The following PIK3C2B variants were observed in gnomAD, a reference collection of about 807,000 sequenced individuals.
The protein encoded by PIK3C2B is phosphatidylinositol-4-phosphate 3-kinase catalytic subunit type 2 beta.
Under a neutral mutation model 184.3 loss-of-function variants are expected in PIK3C2B, and 83 were observed. The ratio of observed to expected loss-of-function variants is 0.45; its 90% confidence interval spans 0.38 to 0.54. The LOEUF (loss-of-function observed/expected upper bound fraction) is 0.54. Among genes scored for constraint, PIK3C2B ranks in the 20% least tolerant of loss-of-function variants. The pLI is 0.00. For synonymous variants in PIK3C2B, 779 were observed against 837.6 expected (o/e 0.93, Z 1.21); for missense variants, 1,736 against 2,113.5 (o/e 0.82, Z 3.50).
At chr1:204,450,215 A>G (rs1454839640) in intron 12 of PIK3C2B, 198 bp from the exon 13 acceptor site, 7 of 549,838 alleles carry the variant, frequency 1.3e-5, no homozygotes, top group Non-Finnish European at 2.3e-5. Context: ...GGATGTTCCC[A>G]GAAGCACAAT....
At chr1:204,452,651 C>CT (rs371699160) in intron 12 of PIK3C2B, among the ~76,000 whole-genome samples, 61,230 of 92,322 alleles carry the variant, frequency 0.66, 22,354 homozygotes, top group Non-Finnish European at 0.8. Context: ...ACCCCATGTC[C>CT]TTTTTTTTTT....
chr1:204,486,625 G>T (rs1175306666), intron 1 of PIK3C2B, among the ~76,000 whole-genome samples: 1 of 152,064 alleles, frequency 6.6e-6, no homozygotes, highest in Non-Finnish European at 1.5e-5. Context: ...AGCTACTTGG[G>T]AGGCAGAGGT....
At chr1:204,472,785 A>C (rs754233414) in intron 1 of PIK3C2B, among the ~76,000 whole-genome samples, 12 of 152,134 alleles carry the variant, frequency 7.9e-5, no homozygotes, top group Non-Finnish European at 1.8e-4. Flanking sequence ...TGTCTAAAAA[A>C]AACAAAGTAC....
intron 10 of PIK3C2B, 151 bp downstream of exon 10, chr1:204,456,886 A>ACACACC: frequency 4.1e-6 from 2 of 489,958 alleles, no homozygotes; most frequent in South Asian, 2.5e-5. Flanking sequence ...ACACACACAC[A>ACACACC]CACACACACA....
At chr1:204,438,503 T>G (rs553512115) in intron 23 of PIK3C2B, among the ~76,000 whole-genome samples, 1 of 152,358 alleles carries the variant, frequency 6.6e-6, no homozygotes, top group South Asian at 2.1e-4. Flanking sequence ...TGAGTGAATC[T>G]TAATTCACAG....
rs1656055706 is a variant in PIK3C2B, at chr1:204,468,954, C to T, written c.849G>A (p.Gln283=). 1 of 1,614,022 alleles carries T rather than the reference C, an allele frequency of 6.2e-7. No homozygotes were observed. The highest frequency in any genetic ancestry group is 1.7e-5 in the Admixed American group (1 of 59,982). The change falls in exon 2 of 33, where the codon CAG becomes CAA. Residue 283 remains glutamine (Q), a synonymous_variant. Transcript: ENST00000684373. ...PVARSKTMPP[Q]VPPRTYASRY... ...GGGAGGCATAGGTGCGGGGGGGCACCTGAGGGGGCATAGTCTTGCTCCTGG... is the reference window on the plus strand; with the variant it reads ...GGGAGGCATAGGTGCGGGGGGGCACTTGAGGGGGCATAGTCTTGCTCCTGG...
chr1:204,449,401 T>C (rs1229283857), intron 13 of PIK3C2B, 105 bp from the exon 14 acceptor site: 3 of 805,560 alleles, frequency 3.7e-6, no homozygotes, highest in Non-Finnish European at 6.2e-6. Flanking sequence ...GAAGCCATCA[T>C]CCAACTCCCC....
At chr1:204,456,150 G>A (rs888245123) in intron 10 of PIK3C2B, 99 bp from the exon 11 acceptor site, 3 of 874,370 alleles carry the variant, frequency 3.4e-6, no homozygotes, top group Admixed American at 2.9e-5. Context: ...TAAGACAGTG[G>A]TCCCCAAATG....
intron 23 of PIK3C2B, among the ~76,000 whole-genome samples, chr1:204,435,082 G>GC (rs1400557576): frequency 1.3e-5 from 2 of 152,148 alleles, no homozygotes; most frequent in African/African-American, 4.8e-5. Flanking sequence ...CCTTCTTCCT[G>GC]CCCCAAATAA....
intron 1 of PIK3C2B, among the ~76,000 whole-genome samples, chr1:204,473,249 G>A (rs1204720842): frequency 6.6e-6 from 1 of 152,222 alleles, no homozygotes; most frequent in Non-Finnish European, 1.5e-5. Flanking sequence ...GGTCTGAAGG[G>A]TTCTGGCTCA....
At chr1:204,455,826 T>A (rs781281288) in intron 11 of PIK3C2B, 30 bp downstream of exon 11, 10 of 1,566,610 alleles carry the variant, frequency 6.4e-6, no homozygotes, top group Non-Finnish European at 8.7e-6. Flanking sequence ...CTCAGCTTGC[T>A]CCCTAGCGGC....
chr1:204,494,023 T>C (rs1380962983), intron 1 of PIK3C2B, among the ~76,000 whole-genome samples: 1 of 152,212 alleles, frequency 6.6e-6, no homozygotes, highest in African/African-American at 2.4e-5. Context: ...CCCAAAGCCA[T>C]TGACTGGTTC....
At chr1:204,435,921 T>C (rs1356843840) in intron 23 of PIK3C2B, 3 of 152,180 alleles carry the variant, frequency 2.0e-5, no homozygotes, top group Admixed American at 6.5e-5. Context: ...ATAAGGAGCA[T>C]AACGCGTAAC....
At chr1:204,483,004 T>G (rs778596395) in intron 1 of PIK3C2B, among the ~76,000 whole-genome samples, 33 of 152,090 alleles carry the variant, frequency 2.2e-4, no homozygotes, top group Non-Finnish European at 4.3e-4. Context: ...TACAGCGTGG[T>G]ATGGACTCCC....
chr1:204,456,234 T>A, intron 10 of PIK3C2B, 183 bp from the exon 11 acceptor site: 2 of 476,756 alleles, frequency 4.2e-6, no homozygotes, highest in Non-Finnish European at 7.4e-6. Flanking sequence ...AAGCATGTCA[T>A]GAGCTTTTCA....
At chr1:204,443,280 A>T in intron 19 of PIK3C2B, 137 bp downstream of exon 19, 1 of 724,036 alleles carries the variant, frequency 1.4e-6, no homozygotes, top group Non-Finnish European at 2.3e-6. Flanking sequence ...TTTACGGCCT[A>T]GTTTCCAGAG....
rs969629559 is a variant in PIK3C2B at position 204,479,750 on chromosome 1, C to T, written c.-84-9864G>A. The stretch of plus-strand genomic sequence containing the variant: ...CCCAGATTGTCACCACTGTCACCTC[C>T]AGCCTCAGTTCAGCTTCCTTAGCTC... On this transcript the variant is annotated intron_variant, in intron 1 of 32. Transcript: ENST00000684373. Among the ~76,000 whole-genome samples the T allele has an allele frequency of 3.9e-5, 6 of 152,340 alleles. 1 individual carries two copies. The highest frequency in any genetic ancestry group is 6.5e-5 in the Admixed American group (1 of 15,310).
chr1:204,449,936 T>C lies in PIK3C2B; in HGVS notation c.2148A>G (p.Pro716=). The part of the protein sequence containing the change: ...CATLYALPIP[P]PGSSSEANKQ... ...TATTGGCCTCTGAGGAGCTCCCCGG[T>C]GGGGGGATGGGCAGAGCATAGAGAG... The change falls in exon 13 of 33, where the codon CCA becomes CCG. Residue 716 remains proline, a synonymous_variant. Coordinates refer to ENST00000684373, the MANE Select transcript of PIK3C2B (RefSeq NM_001377334.1). 1 of 1,612,182 alleles carries C rather than the reference T, an allele frequency of 6.2e-7. No individual in the cohort carries two copies. The highest frequency in any genetic ancestry group is 8.5e-7 in the Non-Finnish European group (1 of 1,179,298).
rs1329676108 is a variant in PIK3C2B, at chr1:204,431,809, T to C, written c.4156-16A>G. 1 of 1,614,102 alleles carries C rather than the reference T, an allele frequency of 6.2e-7. No individual in the cohort carries two copies. ...CCACATATATCTGCAAAGGTCCAGATCTTAGGGTGTACCTGCCGAGCCCTC... is the reference window on the plus strand; with the variant it reads ...CCACATATATCTGCAAAGGTCCAGACCTTAGGGTGTACCTGCCGAGCCCTC... On this transcript the variant is annotated splice_polypyrimidine_tract_variant and intron_variant, in intron 27 of 32. Coordinates refer to ENST00000684373, the MANE Select transcript of PIK3C2B (RefSeq NM_001377334.1).
Sources: allele counts gnomAD v4.1 joint callset (sites outside exome capture counted in the v4.1 genomes callset), GRCh38; gene constraint gnomAD v4.1.1; transcripts MANE v1.5; gene names NCBI Gene and HGNC (gene_info 2026-07-23, HGNC 2026-07-21).